Variants in CFAP95 observed in about 807,000 individuals in gnomAD.
The protein encoded by CFAP95 is cilia and flagella associated protein 95.
chr9:69,868,158 T>C, the CFAP95 span, among the ~76,000 whole-genome samples: 3 of 152,148 alleles, frequency 2.0e-5, no homozygotes, highest in Admixed American at 2.0e-4. Context: ...TAAAACAATG[T>C]GCACAATAAT....
chr9:69,844,675 G>A, the CFAP95 span: 1 of 1,377,154 alleles, frequency 7.3e-7, no homozygotes, highest in East Asian at 2.3e-5. Context: ...TTGTCATAGT[G>A]AAACATAAAA....
chr9:69,905,469 G>A, the CFAP95 span, among the ~76,000 whole-genome samples: 1 of 152,194 alleles, frequency 6.6e-6, no homozygotes, highest in African/African-American at 2.4e-5. Flanking sequence ...ACTGGGTTAT[G>A]TTGAGGTAAA....
the CFAP95 span, among the ~76,000 whole-genome samples, chr9:69,905,034 G>T: frequency 6.6e-6 from 1 of 151,856 alleles, no homozygotes; most frequent in African/African-American, 2.4e-5. Context: ...CTGTAAAGTG[G>T]GTGTAATAAT....
the CFAP95 span, among the ~76,000 whole-genome samples, chr9:69,829,229 C>A: frequency 7.9e-5 from 12 of 152,118 alleles, no homozygotes; most frequent in Non-Finnish European, 1.8e-4. Context: ...TTGGGGAAAG[C>A]ACTATATTTT....
chr9:69,842,599 C>T, the CFAP95 span, among the ~76,000 whole-genome samples: 1 of 152,142 alleles, frequency 6.6e-6, no homozygotes, highest in East Asian at 1.9e-4. Flanking sequence ...ATATTAAGAT[C>T]TTAAAAGGTA....
the CFAP95 span, among the ~76,000 whole-genome samples, chr9:69,890,372 G>A: frequency 6.6e-6 from 1 of 151,988 alleles, no homozygotes; most frequent in Non-Finnish European, 1.5e-5. Context: ...TTGCAATTTT[G>A]TTCACTTACT....
the CFAP95 span, chr9:69,857,958 C>G: frequency 6.2e-7 from 1 of 1,613,988 alleles, no homozygotes. Flanking sequence ...TCCTAGACAT[C>G]CACCGGATTG....
At chr9:69,844,546 G>C in the CFAP95 span, 1 of 1,608,466 alleles carries the variant, frequency 6.2e-7, no homozygotes, top group Non-Finnish European at 8.5e-7. Context: ...TTTCCCAAAG[G>C]TTATGATATA....
At chr9:69,825,268 A>G in the CFAP95 span, among the ~76,000 whole-genome samples, 1 of 152,166 alleles carries the variant, frequency 6.6e-6, no homozygotes, top group Non-Finnish European at 1.5e-5. Flanking sequence ...ACAAAATAAA[A>G]TCTGTATCTG....
the CFAP95 span, among the ~76,000 whole-genome samples, chr9:69,889,080 T>G: frequency 6.6e-6 from 1 of 152,338 alleles, no homozygotes; most frequent in Non-Finnish European, 1.5e-5. Flanking sequence ...AAGGGAAATG[T>G]GACATAACTG....
the CFAP95 span, among the ~76,000 whole-genome samples, chr9:69,883,240 G>C: frequency 5.2e-3 from 798 of 152,318 alleles, 7 homozygotes; most frequent in African/African-American, 0.018. Flanking sequence ...TCCGTCAGGA[G>C]CATTCTCTCA....
At chr9:69,885,295 T>G in the CFAP95 span, among the ~76,000 whole-genome samples, 1 of 63,270 alleles carries the variant, frequency 1.6e-5, no homozygotes, top group African/African-American at 4.0e-5. Context: ...CCCATAATAT[T>G]GCCAGGAATG....
At chr9:69,835,344 T>G in the CFAP95 span, among the ~76,000 whole-genome samples, 571 of 152,316 alleles carry the variant, frequency 3.7e-3, 7 homozygotes, top group African/African-American at 0.012. Context: ...TCAGCTCAGA[T>G]TTTCATTGTT....
the CFAP95 span, among the ~76,000 whole-genome samples, chr9:69,876,314 C>G: frequency 6.6e-6 from 1 of 152,162 alleles, no homozygotes; most frequent in Non-Finnish European, 1.5e-5. Context: ...AGGTGGATCT[C>G]TTGAGGCCAG....
chr9:69,883,262 A>G, the CFAP95 span, among the ~76,000 whole-genome samples: 2 of 152,164 alleles, frequency 1.3e-5, no homozygotes, highest in Non-Finnish European at 1.5e-5. Context: ...ACAGACTAAG[A>G]GTATTTAAAG....
At chr9:69,898,944 G>A in the CFAP95 span, among the ~76,000 whole-genome samples, 2 of 151,168 alleles carry the variant, frequency 1.3e-5, no homozygotes, top group Admixed American at 1.3e-4. Flanking sequence ...GGCCTTCCAG[G>A]CTTGAAGCTA....
the CFAP95 span, among the ~76,000 whole-genome samples, chr9:69,826,659 A>T: frequency 5.9e-5 from 9 of 152,150 alleles, no homozygotes; most frequent in Non-Finnish European, 1.2e-4. Context: ...CACATTTTTA[A>T]GTTTGGTTAT....
chr9:69,844,617 G>T, the CFAP95 span: 1 of 1,605,680 alleles, frequency 6.2e-7, no homozygotes, highest in East Asian at 2.2e-5. Flanking sequence ...GGGAACCGAT[G>T]AATCCCCAGT....
the CFAP95 span, among the ~76,000 whole-genome samples, chr9:69,859,275 C>T: frequency 8.6e-5 from 13 of 151,928 alleles, no homozygotes; most frequent in African/African-American, 2.9e-4. Context: ...ATCTACTTTC[C>T]TCTCTGTTTC....
Sources: gnomAD v4.1 joint callset for allele counts (sites outside exome capture counted in the v4.1 genomes callset) on GRCh38, gnomAD v4.1.1 for gene constraint, MANE v1.5 for transcripts, NCBI Gene and HGNC (gene_info 2026-07-23, HGNC 2026-07-21) for gene names.